The following STK32B variants were observed in gnomAD, a reference collection of about 807,000 sequenced individuals.
STK32B encodes the protein serine/threonine-protein kinase 32B.
Under a neutral mutation model 52.6 loss-of-function variants are expected in STK32B, and 43 were observed. The ratio of observed to expected loss-of-function variants is 0.82; its 90% CI spans 0.64 to 1.05. The LOEUF (loss-of-function observed/expected upper bound fraction) is 1.05. STK32B is among the 50% of genes least tolerant of loss of function. The probability of loss-of-function intolerance (pLI) is 0.00; values close to 1 mark genes in which losing one functional copy is unlikely to be tolerated. For synonymous variants in STK32B, 238 were observed against 204.3 expected, an observed-to-expected ratio of 1.17 and a Z score of -1.41; for missense variants, 621 against 534.6, an observed-to-expected ratio of 1.16 and a Z score of -1.59.
chr4:5,415,917 C>T (rs1435356991), intron 5 of STK32B, among the ~76,000 whole-genome samples: 1 of 152,144 alleles, frequency 6.6e-6, no homozygotes, highest in Non-Finnish European at 1.5e-5. Context: ...CTTCCAAGTC[C>T]CTCAAAGTCA....
rs114565063 is a variant in STK32B, at chr4:5,477,006, A to G, written c.1106+8936A>G. 3.3e-3 allele frequency among the ~76,000 whole-genome samples: 509 copies of G among 152,172 alleles called. 3 individuals are homozygous for G. The highest frequency in any genetic ancestry group is 0.012 in the African/African-American group (482 of 41,518). ...TGGCCCAGCCAACACCTTGATTTCT[A>G]ACTTTCTGGTCTCTAGAACAAAGCG... On this transcript the variant is annotated intron_variant, in intron 11 of 11. Coordinates refer to ENST00000282908, the MANE Select transcript of STK32B (RefSeq NM_018401.3).
rs1049433938 is a variant in STK32B, at chr4:5,051,688, A to C, written c.-176A>C. On this transcript the variant is annotated 5_prime_UTR_variant, in exon 1 of 12. Coordinates refer to ENST00000282908, the MANE Select transcript of STK32B (RefSeq NM_018401.3). ...TGCGAGCGCAGTCGGAAGGGCGTCC[A>C]GGAGAAGGGGGACGCCGTCCCCGCC... 1.7e-5 allele frequency: 12 copies of C among 714,952 alleles called. No homozygotes were observed. The South Asian group carries it at 2.3e-4, about 14-fold the overall frequency. 44.3% of individuals were successfully genotyped at this position (714,952 alleles called of 1,614,324 possible).
intron 4 of STK32B, among the ~76,000 whole-genome samples, chr4:5,336,906 A>G (rs1732741818): frequency 6.6e-6 from 1 of 152,346 alleles, no homozygotes; most frequent in East Asian, 1.9e-4. Flanking sequence ...GTCAGATCTG[A>G]TAAGCTTCCA....
rs549898661 is a variant in STK32B, at chr4:5,410,414, A to G, written c.473-6431A>G. ...AACCAGCCAGAGAATACTTGAAAGC[A>G]GATGACCGTGTGTAGTTTCCCTTTC... On this transcript the variant is annotated intron_variant, in intron 5 of 11. Transcript: ENST00000282908. 2.0e-5 allele frequency among the ~76,000 whole-genome samples: 3 copies of G among 152,386 alleles called. No individual in the cohort carries two copies. The South Asian group carries it at 6.2e-4, about 32-fold the overall frequency.
At chr4:5,144,786 A>AT (rs759596177) in intron 2 of STK32B, among the ~76,000 whole-genome samples, 11,143 of 66,062 alleles carry the variant, frequency 0.17, 846 homozygotes, top group African/African-American at 0.42. Context: ...TCATTCACTC[A>AT]TCCATCCATC....
At chr4:5,037,902 CAT>C in the STK32B span, among the ~76,000 whole-genome samples, 37 of 152,214 alleles carry the variant, frequency 2.4e-4, no homozygotes, top group African/African-American at 6.5e-4. Flanking sequence ...GTAATGGGCA[CAT>C]GTTTTTTGGG....
intron 6 of STK32B, among the ~76,000 whole-genome samples, chr4:5,444,906 A>ACTTGTTCTCAGACAGCTCAT (rs1715244565): frequency 6.6e-6 from 1 of 152,208 alleles, no homozygotes; most frequent in South Asian, 2.1e-4. Flanking sequence ...TTCCTTTGTA[A>ACTTGTTCTCAGACAGCTCAT]GGACCAAATA....
chr4:5,370,803 AAAAAAT>A (rs1298558025), intron 4 of STK32B, among the ~76,000 whole-genome samples: 1 of 151,908 alleles, frequency 6.6e-6, no homozygotes, highest in African/African-American at 2.4e-5. Context: ...CCATCTCTAC[AAAAAAT>A]AAAAATAAAA....
chr4:5,232,815 C>T (rs904422584), intron 3 of STK32B, among the ~76,000 whole-genome samples: 10 of 152,128 alleles, frequency 6.6e-5, no homozygotes, highest in African/African-American at 2.4e-4. Context: ...GTGCCCCACA[C>T]CAATAGGTTC....
In STK32B at chr4:5,266,998, C is replaced by G. The variant is rs536694509; in HGVS notation, c.261-64222C>G. On this transcript the variant is annotated intron_variant, in intron 3 of 11. Coordinates refer to ENST00000282908, the MANE Select transcript of STK32B (RefSeq NM_018401.3). ...AAATAAAGGCCAACCAGAGGGCTCC[C>G]CATCTCAAACATCTACACTTTTTGG... Among the ~76,000 whole-genome samples, 3 of 152,222 alleles carry G rather than the reference C, an allele frequency of 2.0e-5. No homozygotes were observed. In the East Asian group the frequency reaches 5.8e-4, roughly 29 times the overall value.
At chr4:5,349,292 A>G (rs781413249) in intron 4 of STK32B, among the ~76,000 whole-genome samples, 2 of 152,172 alleles carry the variant, frequency 1.3e-5, no homozygotes, top group Non-Finnish European at 2.9e-5. Context: ...CCCACCTTGT[A>G]TCCCAGTGCC....
At chr4:5,304,963 T>G (rs1417696207) in intron 3 of STK32B, among the ~76,000 whole-genome samples, 1 of 152,146 alleles carries the variant, frequency 6.6e-6, no homozygotes, top group Non-Finnish European at 1.5e-5. Flanking sequence ...TTTTTGTTTT[T>G]AATTCTGTTC....
At chr4:5,338,566 C>G (rs1732859958) in intron 4 of STK32B, among the ~76,000 whole-genome samples, 1 of 151,274 alleles carries the variant, frequency 6.6e-6, no homozygotes, top group African/African-American at 2.4e-5. Context: ...TCCAAATTCC[C>G]TGAGACACTA....
intron 3 of STK32B, among the ~76,000 whole-genome samples, chr4:5,303,464 G>T (rs1158014560): frequency 1.3e-5 from 2 of 152,060 alleles, no homozygotes; most frequent in East Asian, 1.9e-4. Flanking sequence ...CATGTTTGTT[G>T]GTCATTTGTA....
rs1366573894 is a variant in STK32B, at chr4:5,460,791, A to G, written c.909+563A>G. Among the ~76,000 whole-genome samples the G allele has an allele frequency of 6.6e-6, 1 of 152,222 alleles. No homozygotes were observed. Among genetic ancestry groups the G allele is most frequent in the Non-Finnish European group, 1.5e-5 (1 of 68,034 alleles). The stretch of plus-strand genomic sequence containing the variant: ...CAGCAGAAAGCCTGGGTTTCAAAGA[A>G]CAATTTTATAGCATTTAAGGGAATA... On this transcript the variant is annotated intron_variant, in intron 9 of 11. Coordinates refer to ENST00000282908, the MANE Select transcript of STK32B (RefSeq NM_018401.3). The surrounding 1 kb of genome is among the most constrained non-coding windows in gnomAD (Gnocchi z 4.8).
intron 1 of STK32B, among the ~76,000 whole-genome samples, chr4:5,130,988 C>A (rs73089702): frequency 0.025 from 3,808 of 152,254 alleles, 159 homozygotes; most frequent in African/African-American, 0.086. Flanking sequence ...GGAGTGGATT[C>A]TTCTCCCTGA....
intron 1 of STK32B, among the ~76,000 whole-genome samples, chr4:5,104,701 C>A (rs1259047164): frequency 3.9e-5 from 6 of 152,170 alleles, no homozygotes; most frequent in Non-Finnish European, 5.9e-5. Context: ...TCTCTGAGGT[C>A]ATTCTTATCA....
At chr4:5,203,695 C>T (rs140482513) in intron 3 of STK32B, among the ~76,000 whole-genome samples, 131 of 152,334 alleles carry the variant, frequency 8.6e-4, no homozygotes, top group African/African-American at 3.0e-3. Context: ...AGAAGTTCTC[C>T]TTCCTAATTT....
chr4:5,302,274 A>G lies in STK32B; in HGVS notation c.261-28946A>G, dbSNP rs542715178. ...TATCCCCAGATTAACATTTTTCCTC[A>G]TTTGTTTTATATTCTGTGTGTATGT... On this transcript the variant is annotated intron_variant, in intron 3 of 11. Transcript: ENST00000282908. 1.6e-4 allele frequency among the ~76,000 whole-genome samples: 24 copies of G among 151,358 alleles called. 1 individual carries two copies. The highest frequency in any genetic ancestry group is 4.0e-4 in the Admixed American group (6 of 15,186).
Sources: allele counts gnomAD v4.1 joint callset (sites outside exome capture counted in the v4.1 genomes callset), GRCh38; gene constraint gnomAD v4.1.1; non-coding constraint Gnocchi (gnomAD v3.1); transcripts MANE v1.5; gene names NCBI Gene and HGNC (gene_info 2026-07-23, HGNC 2026-07-21).